SORL1: variants seen among roughly 807,000 people sequenced by gnomAD.
SORL1 encodes sortilin related receptor 1, also known as sortilin-related receptor.
In SORL1, 127 loss-of-function variants were observed where a neutral mutation model predicts 273.7. The observed-to-expected ratio is 0.46, with a 90% CI of 0.40 to 0.54. SORL1 has a LOEUF of 0.54. Ranked by LOEUF, SORL1 falls within the 20% of genes least tolerant of loss-of-function variation. The pLI is 0.00. For missense variants in SORL1, 2,494 were observed against 2,846.1 expected (o/e 0.88, Z 2.81); for synonymous variants, 1,031 against 1,067.4 (o/e 0.97, Z 0.66).
intron 1 of SORL1, among the ~76,000 whole-genome samples, chr11:121,469,337 C>T (rs1365968341): frequency 6.6e-6 from 1 of 152,192 alleles, no homozygotes; most frequent in Non-Finnish European, 1.5e-5. Context: ...GAGAGAGTAG[C>T]TAGTCCTGTT....
Position 121,608,120 on chromosome 11 carries a change from G to C in SORL1, c.5183G>C (p.Ser1728Thr), listed in dbSNP as rs567369366. 5.0e-6 allele frequency: 8 copies of C among 1,613,978 alleles called. No homozygotes were observed. In the South Asian group the frequency reaches 7.7e-5, roughly 16 times the overall value. ...TTTGAAAAGGTGGCTGCGGTGACTA[G>C]TCGTGGAATAGGAAACTGGAGCGAT... ...LYTVRVAAVT[S>T]RGIGNWSDSK... is the part of the protein sequence containing the mutation. Residue 1728 changes from serine to threonine, a missense_variant, in exon 38 of 48, where the codon AGT (serine) becomes ACT (threonine). Physicochemically the swap from Ser to Thr is moderately conservative, Grantham distance 58. Around this residue, in one of 3 missense-constraint regions of SORL1, gnomAD observed 1,609 missense variants for 1,816.4 expected, o/e 0.89. Transcript: ENST00000260197.
intron 12 of SORL1, among the ~76,000 whole-genome samples, chr11:121,533,049 T>C (rs572623910): frequency 9.2e-5 from 14 of 152,186 alleles, no homozygotes; most frequent in Middle Eastern, 3.4e-3. Context: ...CAAAGGGAGA[T>C]TGTGAGCAAG....
chr11:121,604,429 T>G, intron 33 of SORL1, 105 bp downstream of exon 33: 2 of 1,381,346 alleles, frequency 1.4e-6, no homozygotes, highest in Non-Finnish European at 1.9e-6. Context: ...TTTTGAACTG[T>G]TGCTCAATCT....
chr11:121,497,024 A>G lies in SORL1; in HGVS notation c.914A>G (p.Lys305Arg). 1 of 1,614,008 alleles carries G rather than the reference A, an allele frequency of 6.2e-7. No individual in the cohort carries two copies. The highest frequency in any genetic ancestry group is 8.5e-7 in the Non-Finnish European group (1 of 1,180,004). ...GTGAGAGATTTTCAGCTTCGGGACA[A>G]GTACATGTTTGCTACAAAGGTGGTG... is the stretch of plus-strand genomic sequence containing the variant. ...EEVRDFQLRD[K>R]YMFATKVVHL... is the part of the protein sequence containing the mutation. The change falls in exon 6 of 48, where the codon AAG becomes AGG. Residue 305 changes from lysine (K) to arginine (R), a missense_variant. Physicochemically the swap from Lys to Arg is conservative, Grantham distance 26 (BLOSUM62 2). This residue lies in a region of SORL1 where 710 missense variants were observed against 882.5 expected (regional missense o/e 0.80). Transcript: ENST00000260197.
intron 6 of SORL1, among the ~76,000 whole-genome samples, chr11:121,505,847 C>G (rs929354414): frequency 1.3e-5 from 2 of 152,108 alleles, no homozygotes; most frequent in African/African-American, 4.8e-5. Flanking sequence ...TATTTTAATA[C>G]TTAACATCTG....
intron 38 of SORL1, chr11:121,609,605 G>A (rs887640144): frequency 6.6e-6 from 1 of 152,192 alleles, no homozygotes; most frequent in Non-Finnish European, 1.5e-5. Context: ...GCTAGGATTT[G>A]TACAGAAGGC....
rs537202021 is a variant in SORL1 at position 121,509,065 on chromosome 11, T to C, written c.940-3938T>C. Among the ~76,000 whole-genome samples, 20 of 152,100 alleles carry C rather than the reference T, an allele frequency of 1.3e-4. No homozygotes were observed. In the South Asian group the frequency reaches 2.3e-3, roughly 17 times the overall value. On this transcript the variant is annotated intron_variant, in intron 6 of 47. Coordinates refer to ENST00000260197, the MANE Select transcript of SORL1 (RefSeq NM_003105.6). Reference sequence around the variant, plus strand: ...TAGCTATCTACTCACTACTTTTTTTTCCCCCTGGAATATCCCAGATGTCAG... The same window carrying C: ...TAGCTATCTACTCACTACTTTTTTTCCCCCCTGGAATATCCCAGATGTCAG...
At chr11:121,510,382 G>T (rs1427613837) in intron 6 of SORL1, among the ~76,000 whole-genome samples, 1 of 152,224 alleles carries the variant, frequency 6.6e-6, no homozygotes, top group South Asian at 2.1e-4. Context: ...GGGCTGGTAT[G>T]TTGGTGTCCT....
chr11:121,521,500 A>G (rs753808835), intron 9 of SORL1, among the ~76,000 whole-genome samples: 26 of 152,144 alleles, frequency 1.7e-4, no homozygotes, highest in Non-Finnish European at 2.5e-4. Flanking sequence ...TTCCCTGACT[A>G]ATCAGTTTAT....
chr11:121,585,943 C>T lies in SORL1; in HGVS notation c.3707-279C>T, dbSNP rs1394040758. On this transcript the variant is annotated intron_variant, in intron 26 of 47. Coordinates refer to ENST00000260197, the MANE Select transcript of SORL1 (RefSeq NM_003105.6). The stretch of plus-strand genomic sequence containing the variant: ...AACACTTGTACTTGTGGGCGGTTTT[C>T]AACCTGTTACAAACAGTGTTGTAAT... Among the ~76,000 whole-genome samples, 5 of 152,178 alleles carry T rather than the reference C, an allele frequency of 3.3e-5. No homozygotes were observed. The East Asian group carries it at 9.6e-4, about 29-fold the overall frequency.
intron 38 of SORL1, 187 bp downstream of exon 38, chr11:121,608,363 G>C (rs1863511295): frequency 1.7e-6 from 1 of 580,054 alleles, no homozygotes; most frequent in Non-Finnish European, 3.0e-6. Context: ...TGGGGTGACT[G>C]AGTGTCTTTT....
At chr11:121,575,541 A>G (rs1017083665) in intron 24 of SORL1, among the ~76,000 whole-genome samples, 6 of 152,256 alleles carry the variant, frequency 3.9e-5, no homozygotes, top group Non-Finnish European at 7.3e-5. Flanking sequence ...TTTGACTCAC[A>G]GCAGCTGAAA....
Position 121,595,660 on chromosome 11 carries a change from G to C in SORL1, c.4407G>C (p.Gly1469=), listed in dbSNP as rs766684810. 6.2e-6 allele frequency: 10 copies of C among 1,612,058 alleles called. No homozygotes were observed. The Admixed American group carries it at 1.7e-4, about 27-fold the overall frequency. The part of the protein sequence containing the change: ...VTAASTPTQL[G]RCDRFEFECH... ...CTGCCTCCACTCCCACCCAACTTGG[G>C]CGATGTGACCGATTTGAGTTCGAAT... Residue 1469 remains glycine, a synonymous_variant, in exon 32 of 48, where the codon GGG becomes GGC. Coordinates refer to ENST00000260197, the MANE Select transcript of SORL1 (RefSeq NM_003105.6). This position sits in a 1 kb window ranked among gnomAD's most constrained non-coding sequence, Gnocchi z 5.1.
chr11:121,625,298 G>C (rs768674148), intron 46 of SORL1, 21 bp downstream of exon 46: 11 of 1,587,622 alleles, frequency 6.9e-6, no homozygotes, highest in African/African-American at 1.3e-5. Flanking sequence ...ATTGCTGCCC[G>C]TTTCTGTCTT....
At chr11:121,510,787 G>A (rs1180757842) in intron 6 of SORL1, among the ~76,000 whole-genome samples, 2 of 152,108 alleles carry the variant, frequency 1.3e-5, no homozygotes, top group African/African-American at 2.4e-5. Flanking sequence ...TGCATGTGGT[G>A]GCACAGTACA....
At chr11:121,480,158 G>A (rs1861350199) in intron 3 of SORL1, among the ~76,000 whole-genome samples, 2 of 152,172 alleles carry the variant, frequency 1.3e-5, no homozygotes, top group South Asian at 4.1e-4. Context: ...TGTATGCTTG[G>A]AAATGCAGAG....
chr11:121,540,949 C>T (rs1180702999), intron 12 of SORL1, among the ~76,000 whole-genome samples: 1 of 152,252 alleles, frequency 6.6e-6, no homozygotes, highest in Non-Finnish European at 1.5e-5. Context: ...TAGGTTGACT[C>T]TGTTGGTTCA....
intron 47 of SORL1, chr11:121,629,064 C>A (rs546956364): frequency 2.3e-4 from 38 of 164,346 alleles, no homozygotes; most frequent in South Asian, 5.0e-4. Flanking sequence ...GGGAAGCTGT[C>A]CTCAAAATGC....
At chr11:121,587,077 G>C (rs751256056) in intron 27 of SORL1, among the ~76,000 whole-genome samples, 6 of 152,176 alleles carry the variant, frequency 3.9e-5, no homozygotes, top group Non-Finnish European at 8.8e-5. Context: ...GTATATGGCT[G>C]CTCTCATGCT....
Sources: gnomAD v4.1 joint callset for allele counts (sites outside exome capture counted in the v4.1 genomes callset) on GRCh38, gnomAD v4.1.1 for gene constraint, gnomAD v4.1.1 regional missense constraint, Gnocchi (gnomAD v3.1) non-coding constraint, MANE v1.5 for transcripts, NCBI Gene and HGNC (gene_info 2026-07-23, HGNC 2026-07-21) for gene names.